Variants in SDK1 observed in about 807,000 individuals in gnomAD.
The protein encoded by SDK1 is sidekick cell adhesion molecule 1, also known as protein sidekick-1.
Under a neutral mutation model 245.5 loss-of-function variants are expected in SDK1, and 157 were observed. The observed-to-expected ratio is 0.64, with a 90% confidence interval of 0.56 to 0.73. The LOEUF is 0.73. SDK1 is among the 30% of genes least tolerant of loss of function. The probability of loss-of-function intolerance (pLI) is 0.00; values close to 1 mark genes in which losing one functional copy is unlikely to be tolerated. For missense variants in SDK1, 3,583 were observed against 3,002.3 expected (o/e 1.19, Z -4.52); for synonymous variants, 1,647 against 1,278.5 (o/e 1.29, Z -6.15).
At chr7:3,579,374 T>C (rs1037515477) in intron 1 of SDK1, among the ~76,000 whole-genome samples, 1 of 152,344 alleles carries the variant, frequency 6.6e-6, no homozygotes, top group South Asian at 2.1e-4. Context: ...GTTCAAGATA[T>C]GCAAATCAGT....
chr7:3,335,275 A>G (rs1780170313), intron 1 of SDK1, among the ~76,000 whole-genome samples: 1 of 152,174 alleles, frequency 6.6e-6, no homozygotes, highest in Admixed American at 6.5e-5. Context: ...TTCTGTGTGG[A>G]TGGTCCCAGT....
intron 1 of SDK1, among the ~76,000 whole-genome samples, chr7:3,489,769 G>T (rs1781811390): frequency 6.6e-6 from 1 of 152,222 alleles, no homozygotes; most frequent in Non-Finnish European, 1.5e-5. Flanking sequence ...GAATACAGAT[G>T]AGATGGTCCT....
intron 1 of SDK1, among the ~76,000 whole-genome samples, chr7:3,514,625 G>A (rs913788875): frequency 3.1e-4 from 47 of 152,294 alleles, no homozygotes; most frequent in African/African-American, 9.4e-4. Flanking sequence ...ATGCACGAAG[G>A]AGGAGAGTAG....
intron 4 of SDK1, among the ~76,000 whole-genome samples, chr7:3,653,258 T>A (rs1427542880): frequency 6.6e-6 from 1 of 152,194 alleles, no homozygotes; most frequent in East Asian, 1.9e-4. Context: ...TCACCCCTCC[T>A]TCCTCTGTGC....
chr7:4,243,784 C>A (rs931050774), intron 43 of SDK1, among the ~76,000 whole-genome samples: 1 of 152,142 alleles, frequency 6.6e-6, no homozygotes, highest in South Asian at 2.1e-4. Flanking sequence ...TCAGACCCCA[C>A]ATGTGATTGA....
At chr7:4,079,393 C>T in intron 21 of SDK1, 70 bp from the exon 22 acceptor site, 1 of 1,553,708 alleles carries the variant, frequency 6.4e-7, no homozygotes, top group Non-Finnish European at 8.8e-7. Context: ...TTGAAGCTGA[C>T]ACGTTTGATA....
chr7:4,265,184 A>G lies in SDK1; in HGVS notation c.6442A>G (p.Ser2148Gly), dbSNP rs1230415209. 6.2e-7 allele frequency: 1 copy of G among 1,612,206 alleles called. No individual in the cohort carries two copies. Among genetic ancestry groups the G allele is most frequent in the Admixed American group, 1.7e-5 (1 of 59,980 alleles). Residue 2148 changes from serine to glycine, a missense_variant, in exon 45 of 45, where the codon AGC (serine) becomes GGC (glycine). Coordinates refer to ENST00000404826, the MANE Select transcript of SDK1 (RefSeq NM_152744.4). ...PKHSFVNHYM[S>G]DPTYYNSWKR... ...GCACTCCTTCGTGAACCACTACATG[A>G]GCGACCCCACCTACTACAACTCATG...
chr7:3,948,416 C>T (rs1780663301), intron 5 of SDK1, among the ~76,000 whole-genome samples: 1 of 152,104 alleles, frequency 6.6e-6, no homozygotes, highest in Non-Finnish European at 1.5e-5. Flanking sequence ...TGCCACCACA[C>T]CCAGCTAATT....
chr7:4,056,805 G>A (rs999469079), intron 19 of SDK1, among the ~76,000 whole-genome samples: 6 of 152,056 alleles, frequency 3.9e-5, no homozygotes, highest in East Asian at 1.9e-4. Flanking sequence ...ACATTCCGCC[G>A]TGGGTCCCAC....
rs114512784 is a variant in SDK1, at chr7:3,767,133, A to G, written c.714-54317A>G. On this transcript the variant is annotated intron_variant, in intron 4 of 44. Transcript: ENST00000404826. ...GGCATCTTGGAGGAGATCCTTCTCT[A>G]AGGCATCTAGAGGAGAAGGCAGTGA... 4.8e-3 allele frequency among the ~76,000 whole-genome samples: 731 copies of G among 152,260 alleles called. 7 individuals carry two copies. The highest frequency in any genetic ancestry group is 0.017 in the African/African-American group (706 of 41,556).
At chr7:4,047,326 C>T (rs1351814727) in intron 17 of SDK1, among the ~76,000 whole-genome samples, 7 of 152,152 alleles carry the variant, frequency 4.6e-5, no homozygotes, top group Non-Finnish European at 1.0e-4. Context: ...GCCAGCCTTC[C>T]ATGTATAAGA....
intron 14 of SDK1, among the ~76,000 whole-genome samples, chr7:3,988,296 C>A (rs549089512): frequency 6.6e-6 from 1 of 151,944 alleles, no homozygotes; most frequent in South Asian, 2.1e-4. Context: ...CATCAGCAGT[C>A]CTATCAGTCT....
intron 35 of SDK1, among the ~76,000 whole-genome samples, chr7:4,195,139 C>T (rs901865520): frequency 6.6e-6 from 1 of 152,130 alleles, no homozygotes; most frequent in Non-Finnish European, 1.5e-5. Flanking sequence ...GTAATGTTTA[C>T]CATGTGGAAT....
intron 5 of SDK1, among the ~76,000 whole-genome samples, chr7:3,922,137 CA>C (rs1414100138): frequency 1.3e-5 from 2 of 152,222 alleles, no homozygotes; most frequent in African/African-American, 4.8e-5. Flanking sequence ...CATGGCCCCT[CA>C]GCTTCAGTGG....
intron 28 of SDK1, among the ~76,000 whole-genome samples, chr7:4,144,825 C>T (rs1183896170): frequency 3.3e-5 from 5 of 152,184 alleles, no homozygotes; most frequent in African/African-American, 9.7e-5. Context: ...TCCCCCCGTG[C>T]GTCCTCCCTT....
At chr7:4,119,273 T>A (rs563704158) in intron 25 of SDK1, among the ~76,000 whole-genome samples, 1 of 147,832 alleles carries the variant, frequency 6.8e-6, no homozygotes, top group South Asian at 2.3e-4. Context: ...CAAGACCCCA[T>A]CTCTACAAAA....
At chr7:4,014,923 C>T (rs1286609551) in intron 16 of SDK1, among the ~76,000 whole-genome samples, 1 of 152,122 alleles carries the variant, frequency 6.6e-6, no homozygotes, top group Non-Finnish European at 1.5e-5. Context: ...AGCGCAGGCT[C>T]TTTGGAAGAT....
rs1562830504 is a variant in SDK1 at position 4,114,164 on chromosome 7, C to T, written c.3713C>T (p.Thr1238Ile). Residue 1238 changes from threonine (T) to isoleucine (I), a missense_variant, in exon 25 of 45, where the codon ACC becomes ATC. Thr to Ile is a moderately conservative substitution (Grantham distance 89). Coordinates refer to ENST00000404826, the MANE Select transcript of SDK1 (RefSeq NM_152744.4). ...VVSDRLEREF[T>I]IEELEEWMEY... is the part of the protein sequence containing the mutation. The stretch of plus-strand genomic sequence containing the variant: ...AGTGACCGGCTGGAGAGAGAATTCA[C>T]CATCGAGGAGCTGGAGGAGTGGATG... 1.9e-6 allele frequency: 3 copies of T among 1,614,188 alleles called. No homozygotes were observed. The highest frequency in any genetic ancestry group is 2.2e-5 in the East Asian group (1 of 44,884).
At chr7:3,442,417 T>A (rs73293152) in intron 1 of SDK1, among the ~76,000 whole-genome samples, 85 of 152,340 alleles carry the variant, frequency 5.6e-4, no homozygotes, top group African/African-American at 2.0e-3. Flanking sequence ...AACTGGGTCA[T>A]TGCAAATTAA....
Sources: gnomAD v4.1 joint callset for allele counts (sites outside exome capture counted in the v4.1 genomes callset) on GRCh38, gnomAD v4.1.1 for gene constraint, MANE v1.5 for transcripts, NCBI Gene and HGNC (gene_info 2026-07-23, HGNC 2026-07-21) for gene names.